Variants in COX7A1 observed in about 807,000 individuals in gnomAD.
COX7A1 encodes the protein cytochrome c oxidase subunit 7A1, mitochondrial.
A neutral mutation model predicts 13.2 loss-of-function variants in COX7A1; 21 were observed. The ratio of observed to expected loss-of-function variants is 1.59; its 90% CI spans 1.13 to 2.29. The LOEUF (loss-of-function observed/expected upper bound fraction) is 2.29. Among genes scored for constraint, COX7A1 ranks in the 30% most tolerant of loss-of-function variants. The probability of loss-of-function intolerance (pLI) is 0.00; values close to 1 mark genes in which losing one functional copy is unlikely to be tolerated. For missense variants in COX7A1, 107 were observed against 100.0 expected, an observed-to-expected ratio of 1.07 and a Z score of -0.30; for synonymous variants, 41 against 41.9, an observed-to-expected ratio of 0.98 and a Z score of 0.08.
chr19:36,151,984 GA>G, intron 1 of COX7A1: 1 of 654,486 alleles, frequency 1.5e-6, no homozygotes, highest in Non-Finnish European at 2.8e-6. Context: ...GAGGGTCCTG[GA>G]AGGGAGAGGA....
Position 36,150,922 on chromosome 19 carries a change from C to G in COX7A1, c.*60G>C. 2 of 1,542,500 alleles carry G rather than the reference C, an allele frequency of 1.3e-6. No homozygotes were observed. Among genetic ancestry groups the G allele is most frequent in the Non-Finnish European group, 1.8e-6 (2 of 1,115,080 alleles). On this transcript the variant is annotated 3_prime_UTR_variant, in exon 4 of 4. Coordinates refer to ENST00000292907, the MANE Select transcript of COX7A1 (RefSeq NM_001864.4). The stretch of plus-strand genomic sequence containing the variant: ...GGGTGGACACAAACACAGACACACA[C>G]AGAGGCCAGCGTTTATTGACACTTG...
chr19:36,151,511 GC>G lies in COX7A1; in HGVS notation c.137del (p.Gly46AlafsTer10), dbSNP rs762933059. On this transcript the variant is annotated frameshift_variant, in exon 3 of 4. Transcript: ENST00000292907. LOFTEE classifies it high-confidence loss of function. ...DNDIPLYLKG[G>X]IVDNILYRVT... Reference sequence around the variant, plus strand: ...CTCGGTACAGGATGTTGTCAACGATGCCGCCCTTCAGGTACAACGGGATGTC... The same window carrying G: ...CTCGGTACAGGATGTTGTCAACGATGCGCCCTTCAGGTACAACGGGATGTC... The G allele has an allele frequency of 1.9e-6, 3 of 1,614,072 alleles. No individual in the cohort carries two copies. The highest frequency in any genetic ancestry group is 2.5e-6 in the Non-Finnish European group (3 of 1,180,042).
At chr19:36,152,286 A>C in intron 1 of COX7A1, 107 bp downstream of exon 1, 2 of 782,856 alleles carry the variant, frequency 2.6e-6, no homozygotes, top group Non-Finnish European at 3.6e-6. Context: ...CAGGCCCTGA[A>C]GGTGGCTCAC....
rs771936878 is a variant in COX7A1 at position 36,152,344 on chromosome 19, G to A, written c.15+49C>T. 3.8e-6 allele frequency: 5 copies of A among 1,304,208 alleles called. No individual in the cohort carries two copies. In the Admixed American group the frequency reaches 1.7e-4, roughly 45 times the overall value. 80.8% of individuals were successfully genotyped at this position (1,304,208 alleles called of 1,614,324 possible). On this transcript the variant is annotated intron_variant, in intron 1 of 3. Coordinates refer to ENST00000292907, the MANE Select transcript of COX7A1 (RefSeq NM_001864.4). ...GGCACTTGGAGAGTCGCGTATTAGG[G>A]CGGGGTTTTCTGGGTGGGGGGCTCC...
intron 3 of COX7A1, 43 bp downstream of exon 3, chr19:36,151,419 C>G: frequency 6.2e-7 from 1 of 1,608,696 alleles, no homozygotes; most frequent in Non-Finnish European, 8.5e-7. Flanking sequence ...TACTCTGGGT[C>G]CAGCCCCGCC....
At chr19:36,151,378 G>A (rs746036352) in intron 3 of COX7A1, 84 bp downstream of exon 3, 6 of 1,464,544 alleles carry the variant, frequency 4.1e-6, no homozygotes, top group Middle Eastern at 1.8e-4. Context: ...CCCAGATCCT[G>A]GTCAGTCCTG....
At chr19:36,151,646 C>CCCCCCCG in intron 2 of COX7A1, 23 bp downstream of exon 2, 1 of 1,156,120 alleles carries the variant, frequency 8.6e-7, no homozygotes, top group Non-Finnish European at 1.2e-6. Context: ...CGCGTCGGAT[C>CCCCCCCG]CCCACCCCCC....
In COX7A1 at chr19:36,151,468, GAC is replaced by G. The variant is rs1259449251; in HGVS notation, c.179_180del (p.Cys60SerfsTer36). ...NILYRVTMTL[C>X]LGGTVYSLYS... ...AGACGGGCCCTGCGCTCACCGCCCAGACACAGCGTCATTGTCACTCGGTACAG... is the reference window on the plus strand; with the variant it reads ...AGACGGGCCCTGCGCTCACCGCCCAGACAGCGTCATTGTCACTCGGTACAG... On this transcript the variant is annotated frameshift_variant, in exon 3 of 4. Coordinates refer to ENST00000292907, the MANE Select transcript of COX7A1 (RefSeq NM_001864.4). LOFTEE classifies it high-confidence loss of function. 6.2e-7 allele frequency: 1 copy of G among 1,614,082 alleles called. No individual in the cohort carries two copies. The highest frequency in any genetic ancestry group is 8.5e-7 in the Non-Finnish European group (1 of 1,180,046).
At chr19:36,151,796 G>T in intron 1 of COX7A1, 41 bp from the exon 2 acceptor site, 3 of 1,531,684 alleles carry the variant, frequency 2.0e-6, no homozygotes, top group Non-Finnish European at 2.7e-6. Flanking sequence ...GGCACCTGGA[G>T]GGGTGTCCTG....
At chr19:36,151,645 T>TCCCCCCCCCCCCCCCCCCCCC in intron 2 of COX7A1, 24 bp downstream of exon 2, 5 of 1,387,624 alleles carry the variant, frequency 3.6e-6, no homozygotes, top group Non-Finnish European at 4.9e-6. Flanking sequence ...GCGCGTCGGA[T>TCCCCCCCCCCCCCCCCCCCCC]CCCCACCCCC....
rs371700119 is a variant in COX7A1, at chr19:36,151,656, C to G, written c.102+13G>C. The G allele has an allele frequency of 7.9e-5, 114 of 1,451,524 alleles. 2 individuals carry two copies. The highest frequency in any genetic ancestry group is 5.8e-4 in the South Asian group (50 of 86,844). 89.9% of individuals were successfully genotyped at this position (1,451,524 alleles called of 1,614,324 possible). A position where few individuals can be genotyped will look rare whatever the true frequency, so the allele number is the denominator to read the frequency against. On this transcript the variant is annotated intron_variant, in intron 2 of 3. Coordinates refer to ENST00000292907, the MANE Select transcript of COX7A1 (RefSeq NM_001864.4). ...GCTGGCGCGTCGGATCCCCACCCCCCCCGACCCCCCACCTGGAAGAGCTTC... is the reference window on the plus strand; with the variant it reads ...GCTGGCGCGTCGGATCCCCACCCCCGCCGACCCCCCACCTGGAAGAGCTTC...
Position 36,151,494 on chromosome 19 carries a change from A to C in COX7A1, c.155T>G (p.Leu52Arg), listed in dbSNP as rs768094654. 8 of 1,614,088 alleles carry C rather than the reference A, an allele frequency of 5.0e-6. No individual in the cohort carries two copies. Among genetic ancestry groups the C allele is most frequent in the African/African-American group, 1.3e-5 (1 of 74,934 alleles). The change falls in exon 3 of 4, where the codon CTG becomes CGG. Residue 52 changes from leucine (L) to arginine (R), a missense_variant. Physicochemically the swap from Leu to Arg is moderately radical, Grantham distance 102 (BLOSUM62 -2). Transcript: ENST00000292907. ...ACACAGCGTCATTGTCACTCGGTAC[A>C]GGATGTTGTCAACGATGCCGCCCTT... ...YLKGGIVDNILYRVTMTLCLG... is the reference protein window; with the variant it reads ...YLKGGIVDNIRYRVTMTLCLG...
Position 36,151,649 on chromosome 19 carries a change from C to CCCCG in COX7A1, c.102+19_102+20insCGGG. ...GCTCCCGGCTGGCGCGTCGGATCCC[C>CCCCG]ACCCCCCCCGACCCCCCACCTGGAA... is the stretch of plus-strand genomic sequence containing the variant. On this transcript the variant is annotated intron_variant, in intron 2 of 3. Coordinates refer to ENST00000292907, the MANE Select transcript of COX7A1 (RefSeq NM_001864.4). 1 of 1,398,570 alleles carries CCCCG rather than the reference C, an allele frequency of 7.2e-7. No homozygotes were observed. The highest frequency in any genetic ancestry group is 9.7e-7 in the Non-Finnish European group (1 of 1,029,292). 86.6% of individuals were successfully genotyped at this position (1,398,570 alleles called of 1,614,324 possible). A position where few individuals can be genotyped will look rare whatever the true frequency, so the allele number is the denominator to read the frequency against.
At chr19:36,151,638 C>G (rs1327560584) in intron 2 of COX7A1, 31 bp downstream of exon 2, 2 of 1,596,226 alleles carry the variant, frequency 1.3e-6, no homozygotes, top group African/African-American at 1.4e-5. Context: ...CCGGCTGGCG[C>G]GTCGGATCCC....
chr19:36,151,785 A>T, intron 1 of COX7A1, 30 bp from the exon 2 acceptor site: 3 of 1,554,138 alleles, frequency 1.9e-6, no homozygotes, highest in Non-Finnish European at 2.6e-6. Flanking sequence ...CGGGTATTGG[A>T]GGCACCTGGA....
rs776668775 is a variant in COX7A1 at position 36,151,655 on chromosome 19, C to G, written c.102+14G>C. ...GGCTGGCGCGTCGGATCCCCACCCC[C>G]CCCGACCCCCCACCTGGAAGAGCTT... On this transcript the variant is annotated intron_variant, in intron 2 of 3. Transcript: ENST00000292907. 119 of 1,442,130 alleles carry G rather than the reference C, an allele frequency of 8.3e-5. 2 individuals are homozygous for G. The highest frequency in any genetic ancestry group is 1.0e-4 in the Non-Finnish European group (111 of 1,068,916). 89.3% of individuals were successfully genotyped at this position (1,442,130 alleles called of 1,614,324 possible).
intron 2 of COX7A1, 24 bp downstream of exon 2, chr19:36,151,645 T>TCCCCCCGGCCCC: frequency 7.2e-7 from 1 of 1,387,630 alleles, no homozygotes. Context: ...GCGCGTCGGA[T>TCCCCCCGGCCCC]CCCCACCCCC....
intron 1 of COX7A1, 149 bp from the exon 2 acceptor site, chr19:36,151,904 C>T (rs1385348058): frequency 1.1e-5 from 9 of 783,618 alleles, no homozygotes; most frequent in Non-Finnish European, 1.8e-5. Context: ...ATTCTGTTAC[C>T]CGCGAACTGC....
Position 36,150,938 on chromosome 19 carries a change from T to C in COX7A1, c.*44A>G, listed in dbSNP as rs978735112. 1.0e-5 allele frequency: 16 copies of C among 1,592,400 alleles called. No homozygotes were observed. The highest frequency in any genetic ancestry group is 1.7e-4 in the Middle Eastern group (1 of 5,976). ...AGACACACACAGAGGCCAGCGTTTA[T>C]TGACACTTGTTCAAGTCTCTCAGGC... On this transcript the variant is annotated 3_prime_UTR_variant, in exon 4 of 4. Transcript: ENST00000292907.
Sources: gnomAD v4.1 joint callset for allele counts on GRCh38, gnomAD v4.1.1 for gene constraint, MANE v1.5 for transcripts, NCBI Gene and HGNC (gene_info 2026-07-23, HGNC 2026-07-21) for gene names.